LPP: variants seen among roughly 807,000 people sequenced by gnomAD.
LPP encodes the protein LIM domain containing preferred translocation partner in lipoma, also known as lipoma-preferred partner.
Under a neutral mutation model 60.4 loss-of-function variants are expected in LPP, and 38 were observed. The observed-to-expected ratio is 0.63, with a 90% confidence interval of 0.49 to 0.83. LPP has a LOEUF of 0.83. Ranked by LOEUF, LPP falls within the 40% of genes least tolerant of loss-of-function variation. LPP has a pLI of 0.00. For missense variants in LPP, 902 were observed against 783.6 expected, an observed-to-expected ratio of 1.15 and a Z score of -1.80; for synonymous variants, 328 against 290.8, an observed-to-expected ratio of 1.13 and a Z score of -1.30.
At chr3:188,853,605 T>G (rs1763167931) in intron 9 of LPP, among the ~76,000 whole-genome samples, 1 of 152,058 alleles carries the variant, frequency 6.6e-6, no homozygotes. Flanking sequence ...ACAGGGGAGG[T>G]AGGACAGCAT....
rs1045097829 is a variant in LPP at position 188,226,477 on chromosome 3, C to T, written c.-67+950C>T. On this transcript the variant is annotated intron_variant, in intron 2 of 11. Transcript: ENST00000617246. ...TTGTGACCAGGTAAGGTAAACTTTC[C>T]CTTGTGTTTTGGTGTACCTCTGTAC... Among the ~76,000 whole-genome samples the T allele has an allele frequency of 3.9e-5, 6 of 152,048 alleles. No individual in the cohort carries two copies. In the East Asian group the frequency reaches 5.8e-4, roughly 15 times the overall value.
intron 7 of LPP, among the ~76,000 whole-genome samples, chr3:188,622,004 G>A (rs927020959): frequency 6.6e-6 from 1 of 152,124 alleles, no homozygotes; most frequent in Non-Finnish European, 1.5e-5. Flanking sequence ...CTAAAAGTCA[G>A]GGATGGCATG....
At chr3:188,361,647 A>G (rs1769432148) in intron 3 of LPP, among the ~76,000 whole-genome samples, 1 of 148,464 alleles carries the variant, frequency 6.7e-6, no homozygotes, top group African/African-American at 2.5e-5. Context: ...GCTCACTGCA[A>G]CCTCCACCTC....
rs565907706 is a variant in LPP at position 188,865,680 on chromosome 3, T to C, written c.1411-520T>C. 6.9e-5 allele frequency among the ~76,000 whole-genome samples: 8 copies of C among 115,630 alleles called. No homozygotes were observed. The East Asian group carries it at 5.3e-3, about 77-fold the overall frequency. The allele number at this position is 115,630 out of a possible 152,430, so 75.9% of individuals were successfully genotyped here. On this transcript the variant is annotated intron_variant, in intron 9 of 11. Transcript: ENST00000617246. ...CCCATGGGTCAAATCCAGCCCATTG[T>C]CTGTTTTTTTTTTGTAAATAAAGTA...
chr3:188,702,142 G>A (rs1247674142), intron 7 of LPP, among the ~76,000 whole-genome samples: 1 of 151,620 alleles, frequency 6.6e-6, no homozygotes, highest in African/African-American at 2.4e-5. Flanking sequence ...ATTTTTAGTA[G>A]AGGTGGGATT....
In LPP at chr3:188,599,346, C is replaced by T. The variant is rs1040718806; in HGVS notation, c.430-9815C>T. Among the ~76,000 whole-genome samples, 8 of 152,066 alleles carry T rather than the reference C, an allele frequency of 5.3e-5. 1 individual carries two copies. The highest frequency in any genetic ancestry group is 5.3e-4 in the Admixed American group (8 of 15,234). The stretch of plus-strand genomic sequence containing the variant: ...CTTTATGAAGATGTGAGTGCAGGCC[C>T]TCACCTGGATCGTTGCTTCTCTTTT... On this transcript the variant is annotated intron_variant, in intron 6 of 11. Transcript: ENST00000617246.
intron 7 of LPP, among the ~76,000 whole-genome samples, chr3:188,621,397 A>G (rs1845775545): frequency 6.6e-6 from 1 of 152,014 alleles, no homozygotes; most frequent in South Asian, 2.1e-4. Flanking sequence ...TTTAGCTCCC[A>G]CTCATAAGTG....
chr3:188,168,663 CT>C (rs1720714553), intron 1 of LPP, among the ~76,000 whole-genome samples: 1 of 152,152 alleles, frequency 6.6e-6, no homozygotes, highest in Non-Finnish European at 1.5e-5. Flanking sequence ...ACATATTTCC[CT>C]ATCAAATAAA....
intron 3 of LPP, among the ~76,000 whole-genome samples, chr3:188,381,046 A>G (rs1776741888): frequency 6.6e-6 from 1 of 152,188 alleles, no homozygotes; most frequent in Non-Finnish European, 1.5e-5. Context: ...CCTGCTTTGC[A>G]CTATTCTAGT....
At chr3:188,492,055 A>T (rs1808528983) in intron 5 of LPP, among the ~76,000 whole-genome samples, 2 of 152,102 alleles carry the variant, frequency 1.3e-5, no homozygotes, top group South Asian at 4.1e-4. Flanking sequence ...TGACACATTT[A>T]TACTCTCTGC....
intron 5 of LPP, among the ~76,000 whole-genome samples, chr3:188,514,689 G>A (rs1346184386): frequency 1.3e-5 from 2 of 152,208 alleles, no homozygotes; most frequent in South Asian, 2.1e-4. Flanking sequence ...TGATCCTCCC[G>A]CCTCAGCCTC....
intron 1 of LPP, chr3:188,179,038 C>CAG (rs10616335): frequency 0.04 from 6,710 of 168,596 alleles, 307 homozygotes; most frequent in African/African-American, 0.053. Context: ...GGGAGAGAGA[C>CAG]AGAGAGAGAG....
intron 3 of LPP, among the ~76,000 whole-genome samples, chr3:188,342,915 C>T (rs1763422875): frequency 6.6e-6 from 1 of 151,790 alleles, no homozygotes; most frequent in African/African-American, 2.4e-5. Flanking sequence ...TCTTCTCATT[C>T]CTACAAAAAA....
chr3:188,757,745 A>C (rs530475451), intron 8 of LPP, among the ~76,000 whole-genome samples: 1 of 152,168 alleles, frequency 6.6e-6, no homozygotes, highest in Non-Finnish European at 1.5e-5. Flanking sequence ...TGCTTTTAAT[A>C]ATCATATGGA....
intron 1 of LPP, among the ~76,000 whole-genome samples, chr3:188,174,663 C>T (rs974413297): frequency 2.0e-5 from 3 of 152,168 alleles, no homozygotes; most frequent in African/African-American, 7.2e-5. Context: ...GGCCAGCTGA[C>T]TTCTGAAACC....
intron 10 of LPP, among the ~76,000 whole-genome samples, chr3:188,868,460 A>AC (rs1019892068): frequency 6.6e-6 from 1 of 151,984 alleles, no homozygotes; most frequent in Non-Finnish European, 1.5e-5. Context: ...AAAAATTAAA[A>AC]CCCCCAGATA....
intron 8 of LPP, among the ~76,000 whole-genome samples, chr3:188,727,797 G>A (rs575284356): frequency 6.6e-6 from 1 of 152,208 alleles, no homozygotes; most frequent in African/African-American, 2.4e-5. Context: ...TGAGTCTTAG[G>A]CAGTTCAGTA....
intron 7 of LPP, among the ~76,000 whole-genome samples, chr3:188,660,273 A>G (rs1854285718): frequency 6.6e-6 from 1 of 152,190 alleles, no homozygotes; most frequent in Non-Finnish European, 1.5e-5. Flanking sequence ...ACAGCATGAT[A>G]TTGTTCAATG....
chr3:188,304,084 TGTGTAATTTAGTCAG>T (rs1386724218), intron 2 of LPP, among the ~76,000 whole-genome samples: 3 of 152,186 alleles, frequency 2.0e-5, no homozygotes, highest in Admixed American at 6.5e-5. Flanking sequence ...GATGGAACAG[TGTGTAATTTAGTCAG>T]TAAATTGTAG....
Sources: allele counts gnomAD v4.1 joint callset (sites outside exome capture counted in the v4.1 genomes callset), GRCh38; gene constraint gnomAD v4.1.1; transcripts MANE v1.5; gene names NCBI Gene and HGNC (gene_info 2026-07-23, HGNC 2026-07-21).